LCLAT1: variants seen among roughly 807,000 people sequenced by gnomAD.
LCLAT1 encodes the protein lysocardiolipin acyltransferase 1, also known as 1-AGP acyltransferase 8.
A neutral mutation model predicts 30.7 loss-of-function variants in LCLAT1; 11 were observed. The observed-to-expected ratio is 0.36, with a 90% CI of 0.23 to 0.59. The LOEUF is 0.59. Ranked by LOEUF, LCLAT1 falls within the 20% of genes least tolerant of loss-of-function variation. LCLAT1 has a pLI of 0.77. For synonymous variants in LCLAT1, 155 were observed against 151.3 expected, an observed-to-expected ratio of 1.02 and a Z score of -0.18; for missense variants, 402 against 458.6, an observed-to-expected ratio of 0.88 and a Z score of 1.13.
chr2:30,452,510 A>G (rs1379356801), intron 1 of LCLAT1, among the ~76,000 whole-genome samples: 2 of 152,188 alleles, frequency 1.3e-5, no homozygotes, highest in Admixed American at 6.5e-5. Context: ...CACTCCACAT[A>G]TTCATTAGTT....
At chr2:30,460,748 G>C (rs1354326914) in intron 1 of LCLAT1, among the ~76,000 whole-genome samples, 1 of 152,130 alleles carries the variant, frequency 6.6e-6, no homozygotes, top group Non-Finnish European at 1.5e-5. Flanking sequence ...ACATCAGAGA[G>C]ACCTTGGAAC....
intron 5 of LCLAT1, among the ~76,000 whole-genome samples, chr2:30,601,861 C>A (rs577671373): frequency 7.3e-6 from 1 of 137,154 alleles, no homozygotes; most frequent in African/African-American, 2.6e-5. Flanking sequence ...AACAAGGATC[C>A]TATAGATATC....
At chr2:30,516,231 T>C (rs1214525519) in intron 1 of LCLAT1, among the ~76,000 whole-genome samples, 1 of 152,054 alleles carries the variant, frequency 6.6e-6, no homozygotes, top group African/African-American at 2.4e-5. Context: ...CCCCTCCCAT[T>C]GTATGGGAGC....
intron 5 of LCLAT1, among the ~76,000 whole-genome samples, chr2:30,630,506 T>C (rs548124557): frequency 7.2e-5 from 11 of 152,238 alleles, no homozygotes; most frequent in Non-Finnish European, 1.5e-4. Flanking sequence ...CATTTATCTA[T>C]AGTAACTTCT....
intron 1 of LCLAT1, among the ~76,000 whole-genome samples, chr2:30,521,211 T>C (rs1384151418): frequency 3.3e-5 from 5 of 152,322 alleles, no homozygotes; most frequent in African/African-American, 1.2e-4. Context: ...AAAAAGGGAA[T>C]GCATGAATAA....
chr2:30,579,648 A>G (rs1666131074), intron 5 of LCLAT1, among the ~76,000 whole-genome samples: 1 of 152,138 alleles, frequency 6.6e-6, no homozygotes, highest in Admixed American at 6.6e-5. Flanking sequence ...GGGAGAGTGT[A>G]GTCAGGGTTA....
chr2:30,497,423 A>AC (rs1222059291), intron 1 of LCLAT1, among the ~76,000 whole-genome samples: 1 of 152,192 alleles, frequency 6.6e-6, no homozygotes, highest in Non-Finnish European at 1.5e-5. Flanking sequence ...TTAGAGAAAA[A>AC]CTGAGTTTTT....
At chr2:30,613,524 C>T (rs536899186) in intron 5 of LCLAT1, among the ~76,000 whole-genome samples, 37 of 149,642 alleles carry the variant, frequency 2.5e-4, no homozygotes, top group Non-Finnish European at 4.1e-4. Flanking sequence ...TAAGGTGGGA[C>T]GAGAGATTTG....
At position 30,533,229 on chromosome 2, in the gene LCLAT1, C is replaced by T; in HGVS notation, c.279C>T (p.Phe93=). The change falls in exon 3 of 6, where the codon TTC becomes TTT. Residue 93 remains phenylalanine (F), a synonymous_variant. Coordinates refer to ENST00000379509, the MANE Select transcript of LCLAT1 (RefSeq NM_001002257.3). ...ATCGGACAAGAATGGACTGGATGTT[C>T]CTGTGGAATTGCCTGATGCGATATA... ...MNHRTRMDWM[F]LWNCLMRYSY... 1.9e-6 allele frequency: 3 copies of T among 1,613,958 alleles called. No homozygotes were observed. Among genetic ancestry groups the T allele is most frequent in the South Asian group, 2.2e-5 (2 of 91,076 alleles).
intron 1 of LCLAT1, among the ~76,000 whole-genome samples, chr2:30,494,370 A>C (rs1056715342): frequency 2.6e-5 from 4 of 152,112 alleles, no homozygotes; most frequent in Admixed American, 2.6e-4. Context: ...TTTTAGGCTT[A>C]TTTTTGAAAG....
chr2:30,514,288 A>G (rs534923238), intron 1 of LCLAT1, among the ~76,000 whole-genome samples: 1 of 152,348 alleles, frequency 6.6e-6, no homozygotes, highest in South Asian at 2.1e-4. Flanking sequence ...GAACCTTCAC[A>G]TTTACAAATC....
At chr2:30,610,261 G>A (rs1353640599) in intron 5 of LCLAT1, among the ~76,000 whole-genome samples, 1 of 151,898 alleles carries the variant, frequency 6.6e-6, no homozygotes, top group Non-Finnish European at 1.5e-5. Flanking sequence ...GCAGGGCAAA[G>A]CAATACATTA....
intron 1 of LCLAT1, among the ~76,000 whole-genome samples, chr2:30,473,938 C>A (rs566252343): frequency 6.6e-6 from 1 of 152,234 alleles, no homozygotes; most frequent in South Asian, 2.1e-4. Context: ...CTTTCCAGTC[C>A]AATTCACTGT....
chr2:30,594,386 C>T (rs1010183146), intron 5 of LCLAT1, among the ~76,000 whole-genome samples: 1 of 152,194 alleles, frequency 6.6e-6, no homozygotes, highest in African/African-American at 2.4e-5. Context: ...CTCCTCCAAG[C>T]ATTTATTCTA....
At chr2:30,477,500 T>C (rs1010609601) in intron 1 of LCLAT1, among the ~76,000 whole-genome samples, 2 of 152,210 alleles carry the variant, frequency 1.3e-5, no homozygotes, top group Admixed American at 6.6e-5. Context: ...TATGAAATGG[T>C]TTGTTTGCTC....
intron 1 of LCLAT1, among the ~76,000 whole-genome samples, chr2:30,488,679 C>T (rs1214752129): frequency 6.6e-6 from 1 of 152,208 alleles, no homozygotes; most frequent in African/African-American, 2.4e-5. Flanking sequence ...ATTCCTACCA[C>T]CTAGGCTGCA....
At chr2:30,622,551 G>A (rs2262947) in intron 5 of LCLAT1, among the ~76,000 whole-genome samples, 14,016 of 152,118 alleles carry the variant, frequency 0.092, 677 homozygotes, top group East Asian at 0.11. Context: ...CACAGAGTCC[G>A]CTTCACTCCC....
At chr2:30,494,266 T>A (rs1299980459) in intron 1 of LCLAT1, among the ~76,000 whole-genome samples, 1 of 152,036 alleles carries the variant, frequency 6.6e-6, no homozygotes, top group Non-Finnish European at 1.5e-5. Flanking sequence ...CAAAATAGTT[T>A]CATATATAAT....
intron 3 of LCLAT1, among the ~76,000 whole-genome samples, chr2:30,554,083 TAA>T (rs569978405): frequency 7.4e-4 from 112 of 152,148 alleles, no homozygotes; most frequent in African/African-American, 2.6e-3. Flanking sequence ...CTAAAAGAAG[TAA>T]AAAAGATTTA....
Sources: allele counts gnomAD v4.1 joint callset (sites outside exome capture counted in the v4.1 genomes callset), GRCh38; gene constraint gnomAD v4.1.1; transcripts MANE v1.5; gene names NCBI Gene and HGNC (gene_info 2026-07-23, HGNC 2026-07-21).